NFATC2: variants seen among roughly 807,000 people sequenced by gnomAD.
NFATC2 encodes the protein nuclear factor of activated T-cells, cytoplasmic 2.
NFATC2 carries 22 observed loss-of-function variants against 87.3 expected under a neutral mutation model. That is an observed-to-expected ratio of 0.25 (90% CI 0.18 to 0.36). The LOEUF is 0.36. NFATC2 is among the 10% of genes least tolerant of loss of function. The probability of loss-of-function intolerance (pLI) is 1.00; values close to 1 mark genes in which losing one functional copy is unlikely to be tolerated. For synonymous variants in NFATC2, 565 were observed against 542.2 expected (o/e 1.04, Z -0.58); for missense variants, 1,149 against 1,259.1 (o/e 0.91, Z 1.32).
At chr20:51,546,814 T>C (rs973094046), upstream of NFATC2, among the ~76,000 whole-genome samples, 7 of 152,118 alleles carry the variant, frequency 4.6e-5, no homozygotes, top group African/African-American at 1.7e-4. Flanking sequence ...AAGGCTGCCC[T>C]AGGGAGGCGA....
rs747950928 is a variant in NFATC2 at position 51,523,941 on chromosome 20, C to A, written c.300G>T (p.Ala100=). The A allele has an allele frequency of 2.5e-6, 4 of 1,595,564 alleles. No individual in the cohort carries two copies. In the African/African-American group the frequency reaches 5.4e-5, roughly 22 times the overall value. The part of the protein sequence containing the change: ...DRVGPQKFLS[A]AKPAGASGLS... Reference sequence around the variant, plus strand: ...GGCCCGAGGCCCCTGCTGGCTTGGCCGCGCTCAGAAACTTCTGCGGCCCTA... The same window carrying A: ...GGCCCGAGGCCCCTGCTGGCTTGGCAGCGCTCAGAAACTTCTGCGGCCCTA... Residue 100 remains alanine, a synonymous_variant, in exon 2 of 11, where the codon GCG becomes GCT. Coordinates refer to ENST00000371564, the MANE Select transcript of NFATC2 (RefSeq NM_012340.5). The surrounding 1 kb of genome is among the most constrained non-coding windows in gnomAD (Gnocchi z 6.9).
intron 3 of NFATC2, among the ~76,000 whole-genome samples, chr20:51,488,963 C>T (rs746937608): frequency 2.2e-4 from 33 of 152,198 alleles, no homozygotes; most frequent in Non-Finnish European, 4.3e-4. Context: ...CCAAGGCAGG[C>T]GGATCACTTG....
intron 3 of NFATC2, among the ~76,000 whole-genome samples, chr20:51,494,649 G>A (rs1226182778): frequency 6.6e-6 from 1 of 152,146 alleles, no homozygotes; most frequent in Non-Finnish European, 1.5e-5. Context: ...ACAAGGCCGC[G>A]GCTCAGTCAT....
At chr20:51,401,269 C>CGGAGGT (rs1046186951) in intron 9 of NFATC2, among the ~76,000 whole-genome samples, 5 of 151,632 alleles carry the variant, frequency 3.3e-5, no homozygotes, top group African/African-American at 4.9e-5. Context: ...ACCTGGGAGG[C>CGGAGGT]GGAGGTTGCA....
chr20:51,413,234 A>G (rs957026267), intron 9 of NFATC2, among the ~76,000 whole-genome samples: 18 of 151,800 alleles, frequency 1.2e-4, no homozygotes, highest in Admixed American at 1.0e-3. Context: ...GAGTCCCCCA[A>G]GCATCTGCCT....
chr20:51,395,109 C>T (rs1986868983), intron 10 of NFATC2, among the ~76,000 whole-genome samples: 1 of 152,334 alleles, frequency 6.6e-6, no homozygotes, highest in African/African-American at 2.4e-5. Context: ...GTCTTTCTCT[C>T]TATGAAAGAA....
rs1226533226 is a variant in NFATC2, at chr20:51,491,871, TACACATACACACACACACACAC to T, written c.1333-16233_1333-16212del. On this transcript the variant is annotated intron_variant, in intron 3 of 10. Transcript: ENST00000371564. ...AGCCCCACCCCCACCAACACACACATACACATACACACACACACACACACACACACACACACACACACACACA... is the reference window on the plus strand; with the variant it reads ...AGCCCCACCCCCACCAACACACACATACACACACACACACACACACACACA... Among the ~76,000 whole-genome samples, 22 of 86,246 alleles carry T rather than the reference TACACATACACACACACACACAC, an allele frequency of 2.6e-4. 1 individual carries two copies. Among genetic ancestry groups the T allele is most frequent in the African/African-American group, 8.3e-4 (20 of 23,994 alleles). The allele number at this position is 86,246 out of a possible 152,430, so 56.6% of individuals were successfully genotyped here. A position where few individuals can be genotyped will look rare whatever the true frequency, so the allele number is the denominator to read the frequency against.
rs147040730 is a variant in NFATC2 at position 51,454,672 on chromosome 20, G to C, written c.1725C>G (p.His575Gln). The C allele has an allele frequency of 6.2e-7, 1 of 1,614,004 alleles. No individual in the cohort carries two copies. Among genetic ancestry groups the C allele is most frequent in the Non-Finnish European group, 8.5e-7 (1 of 1,179,998 alleles). ...CTTGTCTTTCAACCATGGGCAGCTC[G>C]TGAGCAGATCGCTGGGCTGCAGGCA... ...NPIECSQRSA[H>Q]ELPMVERQDT... Residue 575 changes from histidine (H) to glutamine (Q), a missense_variant, in exon 6 of 11, where the codon CAC becomes CAG. Around this residue, in one of 3 missense-constraint regions of NFATC2, gnomAD observed 581 missense variants for 649.7 expected, o/e 0.89. Transcript: ENST00000371564.
At chr20:51,417,566 G>T (rs113402109) in intron 9 of NFATC2, among the ~76,000 whole-genome samples, 4,153 of 152,224 alleles carry the variant, frequency 0.027, 188 homozygotes, top group African/African-American at 0.094. Flanking sequence ...TGACCACCCC[G>T]TTTGAAGTTA....
At chr20:51,452,130 G>T (rs1437445376) in intron 6 of NFATC2, among the ~76,000 whole-genome samples, 1 of 152,042 alleles carries the variant, frequency 6.6e-6, no homozygotes, top group Admixed American at 6.6e-5. Context: ...GATCCCTCAA[G>T]CAACGCTACT....
At chr20:51,492,646 G>A (rs963884987) in intron 3 of NFATC2, among the ~76,000 whole-genome samples, 5 of 152,180 alleles carry the variant, frequency 3.3e-5, no homozygotes, top group Admixed American at 2.0e-4. Flanking sequence ...GCCCGGGCCC[G>A]CTCCCACTCC....
chr20:51,480,914 G>C lies in NFATC2; in HGVS notation c.1333-5254C>G, dbSNP rs1294444945. Among the ~76,000 whole-genome samples, 1 of 152,176 alleles carries C rather than the reference G, an allele frequency of 6.6e-6. No homozygotes were observed. Among genetic ancestry groups the C allele is most frequent in the Non-Finnish European group, 1.5e-5 (1 of 68,026 alleles). On this transcript the variant is annotated intron_variant, in intron 3 of 10. Coordinates refer to ENST00000371564, the MANE Select transcript of NFATC2 (RefSeq NM_012340.5). The surrounding 1 kb of genome is among the most constrained non-coding windows in gnomAD (Gnocchi z 4.2). ...AGGGTGAAGAATGAATGTGAACAAA[G>C]TGAGAACCAACGTGAAGGCCTCCCA...
upstream of NFATC2, chr20:51,542,746 AGGCGGGGGGG>A: frequency 1.3e-4 from 1 of 7,858 alleles, no homozygotes; most frequent in Non-Finnish European, 1.5e-4. Flanking sequence ...CAGCCCGGGG[AGGCGGGGGGG>A]GGGGGGGCGT....
chr20:51,520,109 C>T (rs1286462390), intron 2 of NFATC2, among the ~76,000 whole-genome samples: 1 of 152,142 alleles, frequency 6.6e-6, no homozygotes, highest in African/African-American at 2.4e-5. Flanking sequence ...CAGGTTGGTA[C>T]TTGTGAGGAA....
At chr20:51,474,215 C>CA in intron 4 of NFATC2, 63 bp from the exon 5 acceptor site, 1 of 1,578,694 alleles carries the variant, frequency 6.3e-7, no homozygotes. Flanking sequence ...AGATCACCCC[C>CA]AAAGCTGCCA....
chr20:51,498,604 T>A (rs1036745570), intron 3 of NFATC2, among the ~76,000 whole-genome samples: 1 of 151,942 alleles, frequency 6.6e-6, no homozygotes, highest in Non-Finnish European at 1.5e-5. Context: ...CTGGCCAACA[T>A]GGCGAAACCC....
chr20:51,460,033 G>A (rs1003332222), intron 5 of NFATC2, among the ~76,000 whole-genome samples: 1 of 152,078 alleles, frequency 6.6e-6, no homozygotes, highest in Admixed American at 6.5e-5. Flanking sequence ...TACCACAATA[G>A]GAGAAAATAT....
At chr20:51,501,454 C>T (rs1189622273) in intron 3 of NFATC2, among the ~76,000 whole-genome samples, 6 of 152,250 alleles carry the variant, frequency 3.9e-5, no homozygotes, top group African/African-American at 1.4e-4. Flanking sequence ...TGGCTCCAAC[C>T]TCTGTACTGA....
In NFATC2 at chr20:51,432,259, G is replaced by T; in HGVS notation, c.2530C>A (p.Pro844Thr). Residue 844 changes from proline (P) to threonine (T), a missense_variant, in exon 9 of 11, where the codon CCT becomes ACT. Physicochemically the swap from Pro to Thr is conservative, Grantham distance 38. Coordinates refer to ENST00000371564, the MANE Select transcript of NFATC2 (RefSeq NM_012340.5). The surrounding 1 kb of genome is among the most constrained non-coding windows in gnomAD (Gnocchi z 4.6). ...CCTTGACTGACCGGGGGCGGGCCAG[G>T]TCTGGTGGTGCCTGGTGCGAAATTC... ...CENFAPGTTR[P>T]GPPPVSQGQR... The T allele has an allele frequency of 6.2e-7, 1 of 1,614,238 alleles. No homozygotes were observed.
Sources: gnomAD v4.1 joint callset for allele counts (sites outside exome capture counted in the v4.1 genomes callset) on GRCh38, gnomAD v4.1.1 for gene constraint, gnomAD v4.1.1 regional missense constraint, Gnocchi (gnomAD v3.1) non-coding constraint, MANE v1.5 for transcripts, NCBI Gene and HGNC (gene_info 2026-07-23, HGNC 2026-07-21) for gene names.